Variants in CSMD1 observed in about 807,000 individuals in gnomAD.
The protein encoded by CSMD1 is CUB and Sushi multiple domains 1, also known as CUB and sushi domain-containing protein 1.
Under a neutral mutation model 417.5 loss-of-function variants are expected in CSMD1, and 213 were observed. The ratio of observed to expected loss-of-function variants is 0.51; its 90% CI spans 0.46 to 0.57. The LOEUF (loss-of-function observed/expected upper bound fraction) is 0.57. CSMD1 is among the 20% of genes least tolerant of loss of function. The pLI is 0.00. For missense variants in CSMD1, 6,923 were observed against 4,529.7 expected, an observed-to-expected ratio of 1.53 and a Z score of -15.17; for synonymous variants, 2,862 against 1,736.8, an observed-to-expected ratio of 1.65 and a Z score of -16.11.
chr8:3,900,889 T>A (rs145098478), intron 5 of CSMD1, among the ~76,000 whole-genome samples: 1 of 152,376 alleles, frequency 6.6e-6, no homozygotes, highest in African/African-American at 2.4e-5. Context: ...GCTCAGGCGT[T>A]TGCTTGATCT....
intron 3 of CSMD1, among the ~76,000 whole-genome samples, chr8:4,128,704 C>A (rs1183358329): frequency 6.6e-6 from 1 of 152,140 alleles, no homozygotes; most frequent in Non-Finnish European, 1.5e-5. Context: ...CGCCCACACA[C>A]TGTCCACTCA....
At chr8:4,926,403 C>T (rs1259906977) in intron 1 of CSMD1, among the ~76,000 whole-genome samples, 5 of 152,262 alleles carry the variant, frequency 3.3e-5, no homozygotes, top group South Asian at 2.1e-4. Flanking sequence ...GTGAGATCTA[C>T]GCATGTGGCC....
intron 5 of CSMD1, among the ~76,000 whole-genome samples, chr8:3,920,497 T>C (rs1438879669): frequency 6.6e-6 from 1 of 152,154 alleles, no homozygotes; most frequent in Non-Finnish European, 1.5e-5. Context: ...TTGATCTGGC[T>C]AGGACTTTCA....
chr8:4,031,163 G>C (rs558912150), intron 4 of CSMD1, among the ~76,000 whole-genome samples: 1 of 152,126 alleles, frequency 6.6e-6, no homozygotes, highest in Non-Finnish European at 1.5e-5. Flanking sequence ...TTCCAAAGTC[G>C]CTTCCACATC....
chr8:4,840,077 G>A (rs1311993758), intron 1 of CSMD1, among the ~76,000 whole-genome samples: 1 of 97,684 alleles, frequency 1.0e-5, no homozygotes, highest in Non-Finnish European at 2.3e-5. Context: ...GCATCCATAG[G>A]CTTGGGAAGA....
chr8:4,356,634 C>T (rs1172908107), intron 3 of CSMD1, among the ~76,000 whole-genome samples: 1 of 152,134 alleles, frequency 6.6e-6, no homozygotes, highest in Non-Finnish European at 1.5e-5. Context: ...CTGCTTTATT[C>T]TGGTCCTGCG....
intron 3 of CSMD1, among the ~76,000 whole-genome samples, chr8:4,222,228 C>T (rs1714728): frequency 0.47 from 70,749 of 151,636 alleles, 18,382 homozygotes; most frequent in Non-Finnish European, 0.59. Flanking sequence ...TCCTGTAACA[C>T]GCAGAAAGTT....
intron 7 of CSMD1, among the ~76,000 whole-genome samples, chr8:3,642,649 C>G (rs558246224): frequency 6.6e-6 from 1 of 151,970 alleles, no homozygotes; most frequent in South Asian, 2.1e-4. Flanking sequence ...AACGGACGGT[C>G]GATGGAGAGA....
intron 1 of CSMD1, among the ~76,000 whole-genome samples, chr8:4,915,391 T>C (rs575223533): frequency 7.9e-5 from 12 of 152,336 alleles, no homozygotes; most frequent in South Asian, 2.1e-4. Flanking sequence ...TTCTGATCCG[T>C]ATTTTAGATA....
chr8:4,904,380 C>A (rs1394878881), intron 1 of CSMD1, among the ~76,000 whole-genome samples: 1 of 152,174 alleles, frequency 6.6e-6, no homozygotes, highest in Non-Finnish European at 1.5e-5. Flanking sequence ...TTTTAAATTT[C>A]TCTTTCACAG....
intron 3 of CSMD1, among the ~76,000 whole-genome samples, chr8:4,219,242 T>C (rs1563292315): frequency 6.6e-6 from 1 of 152,226 alleles, no homozygotes; most frequent in African/African-American, 2.4e-5. Context: ...CTCCATCTGC[T>C]AAATATAGTT....
chr8:4,327,913 C>T (rs969203927), intron 3 of CSMD1, among the ~76,000 whole-genome samples: 2 of 152,130 alleles, frequency 1.3e-5, no homozygotes, highest in Admixed American at 1.3e-4. Context: ...CCCTAATTTT[C>T]CTTGCTCACC....
At chr8:4,913,751 C>T (rs892248401) in intron 1 of CSMD1, among the ~76,000 whole-genome samples, 2 of 152,124 alleles carry the variant, frequency 1.3e-5, no homozygotes, top group African/African-American at 2.4e-5. Flanking sequence ...GGGAGTTGTC[C>T]ATGTGTTACC....
intron 10 of CSMD1, among the ~76,000 whole-genome samples, chr8:3,517,182 G>T (rs531928143): frequency 6.6e-6 from 1 of 152,274 alleles, no homozygotes; most frequent in African/African-American, 2.4e-5. Context: ...CCTGTCACCA[G>T]ATGTTTGACT....
chr8:4,545,492 A>G (rs1797587428), intron 2 of CSMD1, among the ~76,000 whole-genome samples: 1 of 152,200 alleles, frequency 6.6e-6, no homozygotes, highest in South Asian at 2.1e-4. Flanking sequence ...ATCTTTAAAA[A>G]TAAACTAGTG....
chr8:3,528,781 G>T (rs930674733), intron 10 of CSMD1, among the ~76,000 whole-genome samples: 3 of 152,148 alleles, frequency 2.0e-5, no homozygotes, highest in African/African-American at 7.2e-5. Context: ...ACTGAAGGTT[G>T]ACAGACAGAA....
chr8:3,024,947 G>A (rs57415150), intron 51 of CSMD1, among the ~76,000 whole-genome samples: 8,116 of 151,340 alleles, frequency 0.054, 233 homozygotes, highest in East Asian at 0.072. Context: ...TTGGATACAC[G>A]TGCCCTAAAA....
At chr8:3,983,707 G>C (rs1442750047) in intron 5 of CSMD1, among the ~76,000 whole-genome samples, 1 of 152,210 alleles carries the variant, frequency 6.6e-6, no homozygotes, top group African/African-American at 2.4e-5. Flanking sequence ...TGGATTGGGG[G>C]CCATTGCTAA....
intron 3 of CSMD1, among the ~76,000 whole-genome samples, chr8:4,048,122 A>G (rs1176712123): frequency 6.6e-6 from 1 of 152,158 alleles, no homozygotes; most frequent in African/African-American, 2.4e-5. Flanking sequence ...TGATTTCTAA[A>G]CATACTTGCC....
Sources: allele counts gnomAD v4.1 joint callset (sites outside exome capture counted in the v4.1 genomes callset), GRCh38; gene constraint gnomAD v4.1.1; transcripts MANE v1.5; gene names NCBI Gene and HGNC (gene_info 2026-07-23, HGNC 2026-07-21).